The following JAKMIP3 variants were observed in gnomAD, a reference collection of about 807,000 sequenced individuals.
The protein encoded by JAKMIP3 is janus kinase and microtubule-interacting protein 3.
Under a neutral mutation model 118.5 loss-of-function variants are expected in JAKMIP3, and 58 were observed. The ratio of observed to expected loss-of-function variants is 0.49; its 90% CI spans 0.40 to 0.61. The LOEUF is 0.61. Ranked by LOEUF, JAKMIP3 falls within the 20% of genes least tolerant of loss-of-function variation. The pLI is 0.00. For missense variants in JAKMIP3, 950 were observed against 1,109.0 expected (o/e 0.86, Z 2.04); for synonymous variants, 486 against 451.2 (o/e 1.08, Z -0.98).
intron 3 of JAKMIP3, among the ~76,000 whole-genome samples, chr10:132,123,242 G>A (rs553733258): frequency 6.6e-5 from 10 of 152,342 alleles, no homozygotes; most frequent in South Asian, 2.1e-4. Context: ...AAGCAGCTGC[G>A]TGGCAGATCT....
At chr10:132,057,570 C>T (rs932990077) in intron 1 of JAKMIP3, among the ~76,000 whole-genome samples, 1 of 152,174 alleles carries the variant, frequency 6.6e-6, no homozygotes, top group Non-Finnish European at 1.5e-5. Flanking sequence ...TTAGGAGGGC[C>T]CCGGCATGTG....
intron 2 of JAKMIP3, among the ~76,000 whole-genome samples, chr10:132,111,887 T>C (rs1175631625): frequency 6.6e-6 from 1 of 152,080 alleles, no homozygotes; most frequent in Non-Finnish European, 1.5e-5. Flanking sequence ...CAGAGGTCCG[T>C]GCCATGGCTG....
intron 1 of JAKMIP3, among the ~76,000 whole-genome samples, chr10:132,046,281 C>G (rs1008973697): frequency 3.3e-5 from 5 of 152,104 alleles, no homozygotes; most frequent in African/African-American, 1.2e-4. Context: ...AGTGAAACCC[C>G]CGTCTCTACT....
rs1246012889 is a variant in JAKMIP3, at chr10:132,183,761, ATT to A, written c.*2509_*2510del. 1 of 152,198 alleles carries A rather than the reference ATT, an allele frequency of 6.6e-6. No individual in the cohort carries two copies. The highest frequency in any genetic ancestry group is 1.5e-5 in the Non-Finnish European group (1 of 68,034). 9.4% of individuals were successfully genotyped at this position (152,198 alleles called of 1,614,324 possible). On this transcript the variant is annotated 3_prime_UTR_variant, in exon 24 of 24. Coordinates refer to ENST00000684848, the MANE Select transcript of JAKMIP3 (RefSeq NM_001323087.2). Reference sequence around the variant, plus strand: ...ATCATAGGCACCTTCTTTACATCTGATTACAATACCCAGCATTTCAGAACTGG... The same window carrying A: ...ATCATAGGCACCTTCTTTACATCTGAACAATACCCAGCATTTCAGAACTGG...
At chr10:132,091,185 T>A (rs1018780602) in intron 1 of JAKMIP3, among the ~76,000 whole-genome samples, 1 of 152,138 alleles carries the variant, frequency 6.6e-6, no homozygotes, top group Admixed American at 6.6e-5. Flanking sequence ...TGCTGAGGAG[T>A]GCTTTACTTC....
intron 16 of JAKMIP3, 53 bp downstream of exon 16, chr10:132,150,094 C>T: frequency 5.5e-6 from 8 of 1,450,782 alleles, no homozygotes; most frequent in Non-Finnish European, 7.6e-6. Context: ...ACCCCCAGCC[C>T]AGCCCCTCTG....
At position 132,075,522 on chromosome 10, in the gene JAKMIP3, A is replaced by G. The variant is rs374410661; in HGVS notation, c.-138+9461A>G. Among the ~76,000 whole-genome samples, 21 of 150,678 alleles carry G rather than the reference A, an allele frequency of 1.4e-4. No individual in the cohort carries two copies. In the East Asian group the frequency reaches 2.0e-3, roughly 14 times the overall value. On this transcript the variant is annotated intron_variant, in intron 1 of 23. Transcript: ENST00000684848. ...CCTCCCAGGTTCAGGTGATCCTTCAATCTCAGCCTCCCGAGTAGCTGGGAT... is the reference window on the plus strand; with the variant it reads ...CCTCCCAGGTTCAGGTGATCCTTCAGTCTCAGCCTCCCGAGTAGCTGGGAT...
At chr10:132,051,897 C>T (rs1363702215) in intron 1 of JAKMIP3, among the ~76,000 whole-genome samples, 1 of 152,236 alleles carries the variant, frequency 6.6e-6, no homozygotes, top group East Asian at 1.9e-4. Flanking sequence ...TGTTAGCCAC[C>T]ACGCTTGGCC....
chr10:132,167,975 T>C lies in JAKMIP3; in HGVS notation c.*45T>C, dbSNP rs891218568. On this transcript the variant is annotated 3_prime_UTR_variant, in exon 23 of 24. Coordinates refer to ENST00000684848, the MANE Select transcript of JAKMIP3 (RefSeq NM_001323087.2). Reference sequence around the variant, plus strand: ...CAGCCCCACATTGAATCGGACCCTTTTCCTCCAGTGGGACCAGAAAGCAGG... The same window carrying C: ...CAGCCCCACATTGAATCGGACCCTTCTCCTCCAGTGGGACCAGAAAGCAGG... 7.8e-7 allele frequency: 1 copy of C among 1,289,520 alleles called. No homozygotes were observed. Among genetic ancestry groups the C allele is most frequent in the East Asian group, 5.6e-5 (1 of 18,012 alleles). 79.9% of individuals were successfully genotyped at this position (1,289,520 alleles called of 1,614,324 possible).
chr10:132,117,246 T>C lies in JAKMIP3; in HGVS notation c.305T>C (p.Leu102Pro), dbSNP rs1257307204. Residue 102 changes from leucine to proline, a missense_variant, in exon 3 of 24, where the codon CTG becomes CCG. Coordinates refer to ENST00000684848, the MANE Select transcript of JAKMIP3 (RefSeq NM_001323087.2). This position sits in a 1 kb window ranked among gnomAD's most constrained non-coding sequence, Gnocchi z 8.6. Reference protein sequence around the residue: ...ETLLRQHEAELLRVIKIKDNE... With the variant: ...ETLLRQHEAEPLRVIKIKDNE... Reference sequence around the variant, plus strand: ...CTGCTGCGGCAGCATGAGGCTGAGCTGCTCAGGGTCATCAAGATCAAGGAC... The same window carrying C: ...CTGCTGCGGCAGCATGAGGCTGAGCCGCTCAGGGTCATCAAGATCAAGGAC... 1.2e-6 allele frequency: 2 copies of C among 1,613,926 alleles called. No homozygotes were observed. The highest frequency in any genetic ancestry group is 2.2e-5 in the East Asian group (1 of 44,882).
At chr10:132,127,870 AACCAAAATACAAGT>A (rs1415105733) in intron 3 of JAKMIP3, among the ~76,000 whole-genome samples, 3 of 152,230 alleles carry the variant, frequency 2.0e-5, no homozygotes, top group African/African-American at 7.2e-5. Flanking sequence ...TTTGCCGTAT[AACCAAAATACAAGT>A]ACCTTATAAG....
rs936955151 is a variant in JAKMIP3 at position 132,153,119 on chromosome 10, G to T, written c.2073+96G>T. 20 of 1,021,824 alleles carry T rather than the reference G, an allele frequency of 2.0e-5. No individual in the cohort carries two copies. The East Asian group carries it at 5.3e-4, about 27-fold the overall frequency. The allele number at this position is 1,021,824 out of a possible 1,614,324, so 63.3% of individuals were successfully genotyped here. On this transcript the variant is annotated intron_variant, in intron 17 of 23. Coordinates refer to ENST00000684848, the MANE Select transcript of JAKMIP3 (RefSeq NM_001323087.2). ...GGTGGTGATCTCGGGAGGAGGGCCT[G>T]CAGGGCCGGGTTTGGGGGGTCCACT...
chr10:132,050,737 G>C (rs2133807872), intron 1 of JAKMIP3, among the ~76,000 whole-genome samples: 1 of 152,344 alleles, frequency 6.6e-6, no homozygotes, highest in South Asian at 2.1e-4. Context: ...TCTAGGGGTA[G>C]AACCACTGGG....
intron 1 of JAKMIP3, among the ~76,000 whole-genome samples, chr10:132,038,695 G>A (rs1412016510): frequency 2.0e-5 from 3 of 151,706 alleles, no homozygotes; most frequent in Non-Finnish European, 2.9e-5. Context: ...GGGATGGTGA[G>A]GCAGGAGAAT....
chr10:132,120,865 G>A (rs75687627), intron 3 of JAKMIP3, among the ~76,000 whole-genome samples: 76 of 152,380 alleles, frequency 5.0e-4, no homozygotes, highest in African/African-American at 1.7e-3. Context: ...CAGCTGTGAG[G>A]GAGTGTCTGG....
chr10:132,137,163 C>G lies in JAKMIP3; in HGVS notation c.1248+13C>G, dbSNP rs1299500894. 6.2e-7 allele frequency: 1 copy of G among 1,613,886 alleles called. No individual in the cohort carries two copies. The highest frequency in any genetic ancestry group is 8.5e-7 in the Non-Finnish European group (1 of 1,179,830). On this transcript the variant is annotated intron_variant, in intron 7 of 23. Coordinates refer to ENST00000684848, the MANE Select transcript of JAKMIP3 (RefSeq NM_001323087.2). Reference sequence around the variant, plus strand: ...TGAACTGTCTAAGGTACCCGGCGGGCTGTTTGCTGCGGCCCCGTCCTCTGG... The same window carrying G: ...TGAACTGTCTAAGGTACCCGGCGGGGTGTTTGCTGCGGCCCCGTCCTCTGG...
chr10:132,055,111 T>C (rs1389791319), intron 1 of JAKMIP3, among the ~76,000 whole-genome samples: 1 of 152,196 alleles, frequency 6.6e-6, no homozygotes, highest in East Asian at 1.9e-4. Flanking sequence ...TTTGTTCTTT[T>C]TCTCTCTCCA....
intron 23 of JAKMIP3, among the ~76,000 whole-genome samples, chr10:132,172,979 C>T (rs1036245505): frequency 2.3e-5 from 2 of 85,836 alleles, no homozygotes; most frequent in South Asian, 5.0e-4. Context: ...CTCTCTCCTT[C>T]CCTCTCTCTC....
Position 132,163,337 on chromosome 10 carries a change from G to A in JAKMIP3, c.2349G>A (p.Gln783=). Residue 783 remains glutamine, a synonymous_variant, in exon 20 of 24, where the codon CAG becomes CAA. Transcript: ENST00000684848. ...LKVAVEQWKR[Q]VMSELRERDA... ...TGGCCGTGGAGCAGTGGAAGCGCCA[G>A]GTCATGAGTGAGCTGCGCGAGCGGG... The A allele has an allele frequency of 2.5e-6, 4 of 1,609,908 alleles. No homozygotes were observed. Among genetic ancestry groups the A allele is most frequent in the African/African-American group, 1.3e-5 (1 of 75,004 alleles).
Sources: allele counts gnomAD v4.1 joint callset (sites outside exome capture counted in the v4.1 genomes callset), GRCh38; gene constraint gnomAD v4.1.1; non-coding constraint Gnocchi (gnomAD v3.1); transcripts MANE v1.5; gene names NCBI Gene and HGNC (gene_info 2026-07-23, HGNC 2026-07-21).